Variants in DCAF13 observed in about 807,000 individuals in gnomAD.
DCAF13 encodes the protein DDB1 and CUL4 associated factor 13.
DCAF13 carries 38 observed loss-of-function variants against 59.0 expected under a neutral mutation model. That is an observed-to-expected ratio of 0.64 (90% CI 0.50 to 0.84). The LOEUF is 0.84. DCAF13 is among the 40% of genes least tolerant of loss of function. The pLI, the probability that DCAF13 is intolerant of heterozygous loss-of-function variation, is 0.00. For synonymous variants in DCAF13, 173 were observed against 175.0 expected, an observed-to-expected ratio of 0.99 and a Z score of 0.09; for missense variants, 469 against 558.4, an observed-to-expected ratio of 0.84 and a Z score of 1.61.
chr8:103,430,472 G>C (rs1816848863), intron 5 of DCAF13, 140 bp from the exon 6 acceptor site: 1 of 535,226 alleles, frequency 1.9e-6, no homozygotes, highest in Admixed American at 3.5e-5. Context: ...TGAGATTATG[G>C]ATGATTTATT....
chr8:103,418,747 G>C (rs1816663255), intron 1 of DCAF13, among the ~76,000 whole-genome samples: 1 of 144,880 alleles, frequency 6.9e-6, no homozygotes, highest in Admixed American at 7.0e-5. Context: ...TGAAGTCATG[G>C]GGTAAGAAGA....
chr8:103,429,007 G>A (rs540197915), intron 5 of DCAF13: 1 of 152,008 alleles, frequency 6.6e-6, no homozygotes, highest in Non-Finnish European at 1.5e-5. Context: ...AGGGCATGTT[G>A]CTGTGAACAA....
At chr8:103,420,160 C>G (rs1347033428) in intron 1 of DCAF13, 104 bp from the exon 2 acceptor site, 1 of 1,015,610 alleles carries the variant, frequency 9.8e-7, no homozygotes. Flanking sequence ...AGGCATAGAA[C>G]AATGTCACTA....
chr8:103,435,293 T>A (rs1816917672), intron 7 of DCAF13, among the ~76,000 whole-genome samples: 1 of 151,980 alleles, frequency 6.6e-6, no homozygotes, highest in South Asian at 2.1e-4. Flanking sequence ...TGAAAAAGGT[T>A]TTTTAAAAAA....
intron 8 of DCAF13, among the ~76,000 whole-genome samples, chr8:103,438,122 A>G (rs1392581399): frequency 6.6e-6 from 1 of 152,168 alleles, no homozygotes; most frequent in Non-Finnish European, 1.5e-5. Context: ...CTGCATGAAC[A>G]GATTATGTTT....
intron 5 of DCAF13, chr8:103,428,905 TG>T (rs988211198): frequency 7.1e-6 from 1 of 141,402 alleles, no homozygotes; most frequent in African/African-American, 2.6e-5. Context: ...TTTGTTCAGC[TG>T]TTTTTTTTTT....
intron 1 of DCAF13, among the ~76,000 whole-genome samples, chr8:103,418,118 A>G (rs796932256): frequency 1.3e-5 from 2 of 150,478 alleles, no homozygotes; most frequent in African/African-American, 4.9e-5. Flanking sequence ...ACAGAGCAAG[A>G]CTCCGTCTCA....
Position 103,426,135 on chromosome 8 carries a change from T to TA in DCAF13, c.459dup (p.Leu154IlefsTer10). The TA allele has an allele frequency of 6.2e-7, 1 of 1,606,636 alleles. No homozygotes were observed. The highest frequency in any genetic ancestry group is 1.1e-5 in the South Asian group (1 of 90,552). ...GACGAGGAAGAGCCATTACATACAATATTAGGAAAGGTACAAAAGTAAATT... is the reference window on the plus strand; with the variant it reads ...GACGAGGAAGAGCCATTACATACAATAATTAGGAAAGGTACAAAAGTAAATT... On this transcript the variant is annotated frameshift_variant, in exon 4 of 11. Coordinates refer to ENST00000612750, the MANE Select transcript of DCAF13 (RefSeq NM_015420.7). LOFTEE classifies it high-confidence loss of function.
intron 1 of DCAF13, among the ~76,000 whole-genome samples, chr8:103,417,967 AAAAT>A (rs1451433997): frequency 6.6e-6 from 1 of 151,844 alleles, no homozygotes; most frequent in Non-Finnish European, 1.5e-5. Context: ...AAAATACAAA[AAAAT>A]AAATAAATTA....
chr8:103,441,837 T>G (rs1817015015), intron 10 of DCAF13: 1 of 455,444 alleles, frequency 2.2e-6, no homozygotes, highest in Non-Finnish European at 3.8e-6. Flanking sequence ...ACAATCTTGG[T>G]TCACTGCAAG....
intron 5 of DCAF13, 81 bp from the exon 6 acceptor site, chr8:103,430,531 A>G: frequency 1.1e-6 from 1 of 889,876 alleles, no homozygotes; most frequent in Non-Finnish European, 1.8e-6. Flanking sequence ...ATTAAGGGCA[A>G]TTAAATCATT....
chr8:103,420,122 GGTCTTC>G lies in DCAF13; in HGVS notation c.71-141_71-136del, dbSNP rs1238469120. The G allele has an allele frequency of 6.7e-6, 5 of 744,668 alleles. No individual in the cohort carries two copies. In the East Asian group the frequency reaches 1.4e-4, roughly 21 times the overall value. The allele number at this position is 744,668 out of a possible 1,614,324, so 46.1% of individuals were successfully genotyped here. A position where few individuals can be genotyped will look rare whatever the true frequency, so the allele number is the denominator to read the frequency against. ...ATTTCAGAAAGATTTCTGAACAACA[GGTCTTC>G]TACTTTTGTATTCTTAGTGTTAGGC... is the stretch of plus-strand genomic sequence containing the variant. On this transcript the variant is annotated intron_variant, in intron 1 of 10. Coordinates refer to ENST00000612750, the MANE Select transcript of DCAF13 (RefSeq NM_015420.7).
rs143287205 is a variant in DCAF13, at chr8:103,432,356, C to T, written c.703-303C>T. 3.7e-3 allele frequency among the ~76,000 whole-genome samples: 558 copies of T among 152,224 alleles called. 5 individuals are homozygous for T. Among genetic ancestry groups the T allele is most frequent in the African/African-American group, 0.013 (539 of 41,554 alleles). Reference sequence around the variant, plus strand: ...AACCCTAAGCTCACCATTAATTTTGCCCCTAATTTGATACTTAGTCATTTG... The same window carrying T: ...AACCCTAAGCTCACCATTAATTTTGTCCCTAATTTGATACTTAGTCATTTG... On this transcript the variant is annotated intron_variant, in intron 6 of 10. Coordinates refer to ENST00000612750, the MANE Select transcript of DCAF13 (RefSeq NM_015420.7).
chr8:103,436,854 A>G (rs751725), intron 8 of DCAF13, among the ~76,000 whole-genome samples: 8,086 of 152,290 alleles, frequency 0.053, 276 homozygotes, highest in Non-Finnish European at 0.078. Flanking sequence ...TCAAAAAATT[A>G]TGATAATTGG....
chr8:103,440,477 T>C (rs2130498473), intron 9 of DCAF13: 2 of 374,160 alleles, frequency 5.3e-6, no homozygotes, highest in African/African-American at 2.1e-5. Context: ...TACATTCAAA[T>C]TGACATTTAA....
At chr8:103,430,574 T>C (rs1816849680) in intron 5 of DCAF13, 38 bp from the exon 6 acceptor site, 2 of 1,459,170 alleles carry the variant, frequency 1.4e-6, no homozygotes, top group Admixed American at 1.9e-5. Context: ...TGCTGCCAGG[T>C]CTGGCTTTGA....
At chr8:103,426,602 A>G (rs924000645) in intron 4 of DCAF13, among the ~76,000 whole-genome samples, 2 of 152,188 alleles carry the variant, frequency 1.3e-5, no homozygotes, top group Non-Finnish European at 2.9e-5. Flanking sequence ...TATTCTGCAA[A>G]TCAGGTGATG....
In DCAF13 at chr8:103,418,866, A is replaced by ATTTTTTTTT. The variant is rs1159489554; in HGVS notation, c.71-1371_71-1363dup. ...TATATATATATATATATATATATAT[A>ATTTTTTTTT]TTTTTTTTTTTTTTTTTTTTTTTTT... On this transcript the variant is annotated intron_variant, in intron 1 of 10. Coordinates refer to ENST00000612750, the MANE Select transcript of DCAF13 (RefSeq NM_015420.7). Among the ~76,000 whole-genome samples, 6 of 38,432 alleles carry ATTTTTTTTT rather than the reference A, an allele frequency of 1.6e-4. 1 individual carries two copies. Among genetic ancestry groups the ATTTTTTTTT allele is most frequent in the African/African-American group, 2.0e-4 (2 of 10,092 alleles). 25.2% of individuals were successfully genotyped at this position (38,432 alleles called of 152,430 possible). A position where few individuals can be genotyped will look rare whatever the true frequency, so the allele number is the denominator to read the frequency against.
At chr8:103,416,859 C>T (rs1402993538) in intron 1 of DCAF13, among the ~76,000 whole-genome samples, 1 of 152,170 alleles carries the variant, frequency 6.6e-6, no homozygotes, top group Non-Finnish European at 1.5e-5. Context: ...ACAAAATGAT[C>T]TATCTTGTTG....
Sources: allele counts gnomAD v4.1 joint callset (sites outside exome capture counted in the v4.1 genomes callset), GRCh38; gene constraint gnomAD v4.1.1; transcripts MANE v1.5; gene names NCBI Gene and HGNC (gene_info 2026-07-23, HGNC 2026-07-21).